The following ASAH2B variants were observed in gnomAD, a reference collection of about 807,000 sequenced individuals.
The protein encoded by ASAH2B is N-acylsphingosine amidohydrolase 2B.
Under a neutral mutation model 2.9 loss-of-function variants are expected in ASAH2B, and 1 was observed. The observed-to-expected ratio is 0.34, with a 90% CI of 0.12 to 1.63. The LOEUF (loss-of-function observed/expected upper bound fraction) is 1.63. Ranked by LOEUF, ASAH2B falls within the 40% of genes most tolerant of loss-of-function variation. ASAH2B has a pLI of 0.36. For missense variants in ASAH2B, 9 were observed against 37.7 expected, an observed-to-expected ratio of 0.24 and a Z score of 1.99; for synonymous variants, 4 against 13.3, an observed-to-expected ratio of 0.30 and a Z score of 1.52.
intron 2 of ASAH2B, 48 bp downstream of exon 2, chr10:50,743,058 G>GTA (rs1491168557): frequency 2.0e-6 from 3 of 1,525,544 alleles, no homozygotes; most frequent in Non-Finnish European, 2.7e-6. Context: ...GTGTGTGTGT[G>GTA]TATGTCTGTA....
chr10:50,742,323 A>G (rs1369311101), intron 1 of ASAH2B, among the ~76,000 whole-genome samples: 2 of 152,120 alleles, frequency 1.3e-5, no homozygotes, highest in African/African-American at 2.4e-5. Context: ...TGATCCTCAC[A>G]TGGGAGACTG....
intron 3 of ASAH2B, among the ~76,000 whole-genome samples, chr10:50,748,644 A>G (rs1354023603): frequency 6.6e-6 from 1 of 151,212 alleles, no homozygotes; most frequent in East Asian, 1.9e-4. Flanking sequence ...CTGTGCAGCT[A>G]TCCTCTCTAT....
chr10:50,755,572 A>G lies in ASAH2B; in HGVS notation c.*832A>G. 1 of 151,444 alleles carries G rather than the reference A, an allele frequency of 6.6e-6. No individual in the cohort carries two copies. Among genetic ancestry groups the G allele is most frequent in the African/African-American group, 2.4e-5 (1 of 41,310 alleles). 9.4% of individuals were successfully genotyped at this position (151,444 alleles called of 1,614,324 possible). On this transcript the variant is annotated 3_prime_UTR_variant, in exon 6 of 6. Transcript: ENST00000647317. The stretch of plus-strand genomic sequence containing the variant: ...CTTTTCATTAATCAAATTCACCCCA[A>G]ACCAGAAAGTTTTGCCATTAGCGTA...
rs2820741 is a variant in ASAH2B at position 50,742,877 on chromosome 10, T to A, written c.-99-38T>A. The A allele has an allele frequency of 2.2e-5, 36 of 1,607,002 alleles. No homozygotes were observed. In the Middle Eastern group the frequency reaches 7.0e-4, roughly 31 times the overall value. ...ACACCTCTGTAAATGGATTTAAATA[T>A]GCAGAACCATATACAACTCTCCCTG... On this transcript the variant is annotated intron_variant, in intron 1 of 5. Coordinates refer to ENST00000647317, the MANE Select transcript of ASAH2B (RefSeq NM_001321958.2).
At chr10:50,740,453 T>C (rs1012377503) in intron 1 of ASAH2B, among the ~76,000 whole-genome samples, 2 of 152,190 alleles carry the variant, frequency 1.3e-5, no homozygotes, top group Non-Finnish European at 2.9e-5. Flanking sequence ...TATGGTGATA[T>C]ATAAAGACTT....
At chr10:50,747,582 T>A (rs1293063878) in intron 3 of ASAH2B, among the ~76,000 whole-genome samples, 1 of 151,570 alleles carries the variant, frequency 6.6e-6, no homozygotes, top group African/African-American at 2.4e-5. Context: ...TAGATTCTCT[T>A]TTTCATGTTT....
rs540616054 is a variant in ASAH2B, at chr10:50,741,675, G to C, written c.-99-1240G>C. Among the ~76,000 whole-genome samples the C allele has an allele frequency of 2.0e-5, 3 of 152,252 alleles. No homozygotes were observed. The South Asian group carries it at 6.2e-4, about 32-fold the overall frequency. On this transcript the variant is annotated intron_variant, in intron 1 of 5. Transcript: ENST00000647317. ...TGGACCACAATTAGTTGAGTAGCAT[G>C]GAGTAAGTATGCGGAGGGTGATGGT...
chr10:50,742,890 A>G (rs1160047179), intron 1 of ASAH2B, 25 bp from the exon 2 acceptor site: 1 of 1,612,886 alleles, frequency 6.2e-7, no homozygotes. Context: ...AGAACCATAT[A>G]CAACTCTCCC....
At chr10:50,748,682 G>A (rs1350398624) in intron 3 of ASAH2B, among the ~76,000 whole-genome samples, 1 of 150,758 alleles carries the variant, frequency 6.6e-6, no homozygotes, top group Admixed American at 6.6e-5. Flanking sequence ...ACTCAAGACT[G>A]TTTGGCTTTT....
In ASAH2B at chr10:50,758,841, C is replaced by A. The variant is rs1206389530; in HGVS notation, c.*4101C>A. 1.3e-5 allele frequency: 2 copies of A among 152,086 alleles called. No individual in the cohort carries two copies. The highest frequency in any genetic ancestry group is 4.8e-5 in the African/African-American group (2 of 41,542). 9.4% of individuals were successfully genotyped at this position (152,086 alleles called of 1,614,324 possible). On this transcript the variant is annotated 3_prime_UTR_variant, in exon 6 of 6. Coordinates refer to ENST00000647317, the MANE Select transcript of ASAH2B (RefSeq NM_001321958.2). ...AACGGATGAACAGGTAATTACTGTA[C>A]AGAGTGACCCATATTGTTATTGTTC...
rs1287658921 is a variant in ASAH2B, at chr10:50,748,215, C to G, written c.145-1128C>G. Among the ~76,000 whole-genome samples, 2 of 102,878 alleles carry G rather than the reference C, an allele frequency of 1.9e-5. 1 individual carries two copies. Among genetic ancestry groups the G allele is most frequent in the Non-Finnish European group, 4.6e-5 (2 of 43,638 alleles). 67.5% of individuals were successfully genotyped at this position (102,878 alleles called of 152,430 possible). Reference sequence around the variant, plus strand: ...GTGTAATATAAAAGTTGTTGTTGCTCATGATAATCCCCTGTAATCCTTTTA... The same window carrying G: ...GTGTAATATAAAAGTTGTTGTTGCTGATGATAATCCCCTGTAATCCTTTTA... On this transcript the variant is annotated intron_variant, in intron 3 of 5. Transcript: ENST00000647317.
chr10:50,744,227 A>G (rs1416169622), intron 2 of ASAH2B, among the ~76,000 whole-genome samples: 5 of 151,740 alleles, frequency 3.3e-5, no homozygotes, highest in Non-Finnish European at 7.4e-5. Context: ...TCATAGGTCT[A>G]TAGTTCTTCC....
In ASAH2B at chr10:50,756,775, C is replaced by T. The variant is rs1457932276; in HGVS notation, c.*2035C>T. ...CACAGTTCATGTGTAAAAATAAAACCAAATTCCTGGATTATCAATATCAGT... is the reference window on the plus strand; with the variant it reads ...CACAGTTCATGTGTAAAAATAAAACTAAATTCCTGGATTATCAATATCAGT... On this transcript the variant is annotated 3_prime_UTR_variant, in exon 6 of 6. Coordinates refer to ENST00000647317, the MANE Select transcript of ASAH2B (RefSeq NM_001321958.2). 1 of 151,742 alleles carries T rather than the reference C, an allele frequency of 6.6e-6. No individual in the cohort carries two copies. The highest frequency in any genetic ancestry group is 1.5e-5 in the Non-Finnish European group (1 of 67,760). 9.4% of individuals were successfully genotyped at this position (151,742 alleles called of 1,614,324 possible).
chr10:50,748,428 A>G (rs1839938841), intron 3 of ASAH2B, among the ~76,000 whole-genome samples: 1 of 148,770 alleles, frequency 6.7e-6, no homozygotes, highest in South Asian at 2.1e-4. Context: ...AGCACCCCTC[A>G]TCCCCTCACA....
chr10:50,758,913 A>G lies in ASAH2B; in HGVS notation c.*4173A>G, dbSNP rs1209180443. 1.3e-5 allele frequency: 2 copies of G among 151,948 alleles called. No homozygotes were observed. Among genetic ancestry groups the G allele is most frequent in the East Asian group, 3.9e-4 (2 of 5,166 alleles). 9.4% of individuals were successfully genotyped at this position (151,948 alleles called of 1,614,324 possible). ...AATATGGTCTTGGGGATGTTTCAGT[A>G]AGTTTCCTGGAAGAAATAACATATA... On this transcript the variant is annotated 3_prime_UTR_variant, in exon 6 of 6. Coordinates refer to ENST00000647317, the MANE Select transcript of ASAH2B (RefSeq NM_001321958.2).
At chr10:50,742,243 C>T (rs1001861502) in intron 1 of ASAH2B, among the ~76,000 whole-genome samples, 1 of 152,060 alleles carries the variant, frequency 6.6e-6, no homozygotes, top group African/African-American at 2.4e-5. Flanking sequence ...TTGAAGGAGA[C>T]AGAATTACCA....
rs150266261 is a variant in ASAH2B, at chr10:50,741,501, C to T, written c.-99-1414C>T. ...TAAAGAGAAAGAGCACCAGCCCAGA[C>T]TGGGTATTTGAGTACTGGGACTGTT... On this transcript the variant is annotated intron_variant, in intron 1 of 5. Transcript: ENST00000647317. 4.7e-3 allele frequency among the ~76,000 whole-genome samples: 715 copies of T among 152,316 alleles called. 6 individuals are homozygous for T. The highest frequency in any genetic ancestry group is 0.017 in the African/African-American group (687 of 41,556).
rs546621963 is a variant in ASAH2B at position 50,745,678 on chromosome 10, A to G, written c.144+404A>G. Among the ~76,000 whole-genome samples the G allele has an allele frequency of 2.0e-5, 3 of 149,686 alleles. No homozygotes were observed. The South Asian group carries it at 6.3e-4, about 32-fold the overall frequency. ...AGTTTTTCTGGGGGGAGGAGGGATGAGAAGAGGGGAGTCTGGATTCCTTAG... is the reference window on the plus strand; with the variant it reads ...AGTTTTTCTGGGGGGAGGAGGGATGGGAAGAGGGGAGTCTGGATTCCTTAG... On this transcript the variant is annotated intron_variant, in intron 3 of 5. Coordinates refer to ENST00000647317, the MANE Select transcript of ASAH2B (RefSeq NM_001321958.2).
rs1444670056 is a variant in ASAH2B, at chr10:50,755,810, A to C, written c.*1070A>C. On this transcript the variant is annotated 3_prime_UTR_variant, in exon 6 of 6. Transcript: ENST00000647317. ...GGTGAATGTGTAAGTGTCAAAAGGT[A>C]ACTATTATGAAGGAGAAAATAATCG... 6.6e-6 allele frequency: 1 copy of C among 151,594 alleles called. No individual in the cohort carries two copies. Among genetic ancestry groups the C allele is most frequent in the African/African-American group, 2.4e-5 (1 of 41,366 alleles). The allele number at this position is 151,594 out of a possible 1,614,324, so 9.4% of individuals were successfully genotyped here.
Sources: allele counts gnomAD v4.1 joint callset (sites outside exome capture counted in the v4.1 genomes callset), GRCh38; gene constraint gnomAD v4.1.1; transcripts MANE v1.5; gene names NCBI Gene and HGNC (gene_info 2026-07-23, HGNC 2026-07-21).